The following DCBLD2 variants were observed in gnomAD, a reference collection of about 807,000 sequenced individuals.
DCBLD2 encodes the protein discoidin, CUB and LCCL domain-containing protein 2.
In DCBLD2, 54 loss-of-function variants were observed where a neutral mutation model predicts 86.8. That is an observed-to-expected ratio of 0.62 (90% confidence interval 0.50 to 0.78). The LOEUF (loss-of-function observed/expected upper bound fraction) is 0.78. Ranked by LOEUF, DCBLD2 falls within the 30% of genes least tolerant of loss-of-function variation. The pLI is 0.00. For synonymous variants in DCBLD2, 354 were observed against 341.3 expected (o/e 1.04, Z -0.41); for missense variants, 908 against 954.2 (o/e 0.95, Z 0.64).
chr3:98,849,735 T>C (rs888551151), intron 2 of DCBLD2, 137 bp from the exon 3 acceptor site: 3 of 966,408 alleles, frequency 3.1e-6, no homozygotes, highest in African/African-American at 3.3e-5. Flanking sequence ...AAATGTTTAA[T>C]GATTACCAAT....
intron 3 of DCBLD2, among the ~76,000 whole-genome samples, chr3:98,845,522 C>T (rs980037823): frequency 2.6e-5 from 4 of 152,174 alleles, no homozygotes; most frequent in South Asian, 2.1e-4. Context: ...TTTGCCTCCT[C>T]GGACAGCCTC....
chr3:98,842,779 A>G (rs1049433595), intron 3 of DCBLD2, among the ~76,000 whole-genome samples: 2 of 152,202 alleles, frequency 1.3e-5, no homozygotes, highest in Non-Finnish European at 2.9e-5. Flanking sequence ...CCTTATCTAA[A>G]TCTCCATACA....
chr3:98,890,392 C>T (rs1160794405), intron 1 of DCBLD2: 2 of 152,044 alleles, frequency 1.3e-5, no homozygotes, highest in Non-Finnish European at 2.9e-5. Flanking sequence ...AGGATCCTAC[C>T]TTAGAGTCTT....
intron 2 of DCBLD2, among the ~76,000 whole-genome samples, chr3:98,863,723 T>C (rs894492002): frequency 1.3e-5 from 2 of 152,164 alleles, no homozygotes; most frequent in African/African-American, 4.8e-5. Context: ...CAAGATGGAT[T>C]AAAGACTTAA....
chr3:98,891,235 A>G (rs1385902452), intron 1 of DCBLD2, among the ~76,000 whole-genome samples: 1 of 151,612 alleles, frequency 6.6e-6, no homozygotes, highest in African/African-American at 2.4e-5. Context: ...AGAGAGAGAA[A>G]GAAAGAAAAA....
chr3:98,827,989 TTTAGACAA>T (rs1336219160), intron 3 of DCBLD2, among the ~76,000 whole-genome samples: 2 of 152,148 alleles, frequency 1.3e-5, no homozygotes, highest in Non-Finnish European at 2.9e-5. Flanking sequence ...AGAATTATCT[TTTAGACAA>T]ATGATGCTGA....
chr3:98,847,552 CTCT>C (rs921288952), intron 3 of DCBLD2, among the ~76,000 whole-genome samples: 8 of 152,166 alleles, frequency 5.3e-5, no homozygotes. Context: ...CAGCTCTCTC[CTCT>C]ATCACTTTCT....
chr3:98,868,692 G>C (rs1448431013), intron 2 of DCBLD2, among the ~76,000 whole-genome samples: 1 of 152,102 alleles, frequency 6.6e-6, no homozygotes, highest in Non-Finnish European at 1.5e-5. Flanking sequence ...CCCCTTGTGA[G>C]AACATATGGT....
rs1941610635 is a variant in DCBLD2 at position 98,796,884 on chromosome 3, C to T, written c.*2488G>A. 1 of 152,456 alleles carries T rather than the reference C, an allele frequency of 6.6e-6. No homozygotes were observed. Among genetic ancestry groups the T allele is most frequent in the African/African-American group, 2.4e-5 (1 of 41,410 alleles). 9.4% of individuals were successfully genotyped at this position (152,456 alleles called of 1,614,324 possible). On this transcript the variant is annotated 3_prime_UTR_variant, in exon 16 of 16. Transcript: ENST00000326840. ...CTATAATTGCATTAACAGGAAAAAA[C>T]TTAATCCAATATACCAGTGACTTTG...
intron 3 of DCBLD2, among the ~76,000 whole-genome samples, chr3:98,829,863 A>G (rs1942289894): frequency 6.6e-6 from 1 of 152,144 alleles, no homozygotes. Flanking sequence ...TCCCACCAAC[A>G]GCGTTTAAGT....
At chr3:98,804,495 C>G (rs1941793260) in intron 13 of DCBLD2, among the ~76,000 whole-genome samples, 1 of 152,100 alleles carries the variant, frequency 6.6e-6, no homozygotes, top group African/African-American at 2.4e-5. Flanking sequence ...TTCAAAAAAC[C>G]AGCTCCTGGA....
chr3:98,836,633 G>A (rs1942458407), intron 3 of DCBLD2, among the ~76,000 whole-genome samples: 1 of 134,906 alleles, frequency 7.4e-6, no homozygotes, highest in African/African-American at 2.7e-5. Flanking sequence ...GGGGCGGCTG[G>A]CCGGGCAGAG....
chr3:98,846,816 G>C (rs1050757898), intron 3 of DCBLD2, among the ~76,000 whole-genome samples: 10 of 152,010 alleles, frequency 6.6e-5, no homozygotes, highest in African/African-American at 2.4e-4. Flanking sequence ...ATTTCATGCA[G>C]GACATTAAGG....
chr3:98,832,983 G>A (rs7616275), intron 3 of DCBLD2, among the ~76,000 whole-genome samples: 65,913 of 152,028 alleles, frequency 0.43, 14,465 homozygotes, highest in African/African-American at 0.46. Context: ...TCTCTAGCGA[G>A]GCTGGGGAAA....
intron 1 of DCBLD2, among the ~76,000 whole-genome samples, chr3:98,885,717 C>T (rs1407600700): frequency 2.0e-5 from 3 of 151,262 alleles, no homozygotes; most frequent in Non-Finnish European, 4.4e-5. Flanking sequence ...AAAAGTAGAA[C>T]TAAAATTGGG....
At chr3:98,813,805 C>T (rs186494451) in intron 9 of DCBLD2, 8 of 152,296 alleles carry the variant, frequency 5.3e-5, no homozygotes, top group Admixed American at 5.2e-4. Flanking sequence ...AATGGACCAG[C>T]ACTTAATTAT....
intron 2 of DCBLD2, among the ~76,000 whole-genome samples, chr3:98,850,706 T>C (rs1377483839): frequency 6.6e-6 from 1 of 152,218 alleles, no homozygotes; most frequent in Admixed American, 6.5e-5. Flanking sequence ...TCAAGGATGA[T>C]ACTTTATCTT....
chr3:98,899,789 T>C (rs941156124), intron 1 of DCBLD2, among the ~76,000 whole-genome samples: 3 of 152,144 alleles, frequency 2.0e-5, no homozygotes, highest in Admixed American at 6.5e-5. Context: ...TCTCAGCTGA[T>C]TGTAGTGAAG....
chr3:98,804,644 A>C (rs1050165796), intron 13 of DCBLD2, among the ~76,000 whole-genome samples: 1 of 152,130 alleles, frequency 6.6e-6, no homozygotes, highest in Admixed American at 6.6e-5. Flanking sequence ...TTAGGGTGTC[A>C]ATTTTAGAAC....
Sources: gnomAD v4.1 joint callset for allele counts (sites outside exome capture counted in the v4.1 genomes callset) on GRCh38, gnomAD v4.1.1 for gene constraint, MANE v1.5 for transcripts, NCBI Gene and HGNC (gene_info 2026-07-23, HGNC 2026-07-21) for gene names.